ZBTB8A: variants seen among roughly 807,000 people sequenced by gnomAD.
ZBTB8A encodes the protein zinc finger and BTB domain-containing protein 8A.
ZBTB8A carries 19 observed loss-of-function variants against 37.8 expected under a neutral mutation model. That is an observed-to-expected ratio of 0.50 (90% CI 0.35 to 0.74). The LOEUF (loss-of-function observed/expected upper bound fraction) is 0.74, where lower values mean the gene tolerates loss of function less well. Ranked by LOEUF, ZBTB8A falls within the 30% of genes least tolerant of loss-of-function variation. ZBTB8A has a pLI of 0.01. For synonymous variants in ZBTB8A, 181 were observed against 185.2 expected (o/e 0.98, Z 0.19); for missense variants, 394 against 537.8 (o/e 0.73, Z 2.65).
At chr1:32,581,613 A>G (rs545676109) in intron 2 of ZBTB8A, among the ~76,000 whole-genome samples, 49 of 152,058 alleles carry the variant, frequency 3.2e-4, no homozygotes, top group African/African-American at 1.1e-3. Flanking sequence ...CGGCCTCCCA[A>G]AGTGCTAGGA....
At chr1:32,599,697 A>G (rs1228734503) in intron 4 of ZBTB8A, among the ~76,000 whole-genome samples, 2 of 152,128 alleles carry the variant, frequency 1.3e-5, no homozygotes, top group Non-Finnish European at 2.9e-5. Context: ...AGCCTGGGCA[A>G]CAGAGTGAGA....
intron 2 of ZBTB8A, among the ~76,000 whole-genome samples, chr1:32,554,430 C>T (rs1644183525): frequency 6.6e-6 from 1 of 150,860 alleles, no homozygotes; most frequent in South Asian, 2.1e-4. Flanking sequence ...TTTTAACACC[C>T]AGCATACATA....
At chr1:32,554,626 C>T (rs1379268784) in intron 2 of ZBTB8A, among the ~76,000 whole-genome samples, 1 of 151,812 alleles carries the variant, frequency 6.6e-6, no homozygotes, top group Non-Finnish European at 1.5e-5. Context: ...TTACAGGCAC[C>T]TGCCACCAAG....
At chr1:32,575,538 T>C (rs1209962308) in intron 2 of ZBTB8A, among the ~76,000 whole-genome samples, 1 of 151,930 alleles carries the variant, frequency 6.6e-6, no homozygotes, top group Non-Finnish European at 1.5e-5. Context: ...CTTTTGTTCT[T>C]TTGCTTTTCT....
rs909578364 is a variant in ZBTB8A at position 32,602,672 on chromosome 1, T to C, written c.*2253T>C. The C allele has an allele frequency of 3.9e-5, 6 of 152,084 alleles. No individual in the cohort carries two copies. The highest frequency in any genetic ancestry group is 1.4e-4 in the African/African-American group (6 of 41,510). 9.4% of individuals were successfully genotyped at this position (152,084 alleles called of 1,614,324 possible). ...TTCTCGCCATTCTCCTGCCTCAGCC[T>C]CCCGAGTAGCTGGGACTTACAGGCG... On this transcript the variant is annotated 3_prime_UTR_variant, in exon 5 of 5. Transcript: ENST00000373510.
intron 2 of ZBTB8A, among the ~76,000 whole-genome samples, chr1:32,561,360 A>G (rs1490221068): frequency 2.0e-5 from 3 of 152,000 alleles, no homozygotes; most frequent in East Asian, 1.9e-4. Context: ...CTTCTCCCAC[A>G]GTTCTGGAGG....
At chr1:32,587,015 C>T (rs186609959) in intron 2 of ZBTB8A, among the ~76,000 whole-genome samples, 2,582 of 152,028 alleles carry the variant, frequency 0.017, 98 homozygotes, top group African/African-American at 0.058. Context: ...GAGGCCGAGG[C>T]GGGCGGTTGA....
chr1:32,563,507 G>T (rs1334898453), intron 2 of ZBTB8A, among the ~76,000 whole-genome samples: 1 of 151,732 alleles, frequency 6.6e-6, no homozygotes, highest in East Asian at 1.9e-4. Context: ...TTGTCACCCA[G>T]GCTGGAGTGC....
chr1:32,596,444 G>A (rs1644532391), intron 4 of ZBTB8A, among the ~76,000 whole-genome samples: 1 of 151,140 alleles, frequency 6.6e-6, no homozygotes, highest in South Asian at 2.1e-4. Context: ...TAGCTGGCAT[G>A]GTAGCGCACA....
chr1:32,581,290 AT>A (rs1370785990), intron 2 of ZBTB8A, among the ~76,000 whole-genome samples: 3 of 111,170 alleles, frequency 2.7e-5, no homozygotes, highest in South Asian at 2.4e-4. Context: ...ATTAATATAT[AT>A]TTATATATTA....
chr1:32,595,612 C>G (rs1279146700), intron 4 of ZBTB8A, among the ~76,000 whole-genome samples: 3 of 150,362 alleles, frequency 2.0e-5, no homozygotes, highest in Non-Finnish European at 4.4e-5. Flanking sequence ...CTCTATCGCC[C>G]AAGCTGGAGT....
At position 32,601,601 on chromosome 1, in the gene ZBTB8A, C is replaced by T. The variant is rs936957382; in HGVS notation, c.*1182C>T. ...TTCTCAGTGAGGTGGATACTATCTC[C>T]GATTTACAAATGAGGAAATTAAGGT... On this transcript the variant is annotated 3_prime_UTR_variant, in exon 5 of 5. Coordinates refer to ENST00000373510, the MANE Select transcript of ZBTB8A (RefSeq NM_001040441.3). The T allele has an allele frequency of 3.3e-5, 13 of 398,370 alleles. No individual in the cohort carries two copies. Among genetic ancestry groups the T allele is most frequent in the African/African-American group, 1.9e-4 (9 of 48,602 alleles). 24.7% of individuals were successfully genotyped at this position (398,370 alleles called of 1,614,324 possible).
intron 2 of ZBTB8A, among the ~76,000 whole-genome samples, chr1:32,576,852 A>G (rs933853102): frequency 2.0e-5 from 3 of 149,188 alleles, no homozygotes; most frequent in African/African-American, 7.4e-5. Flanking sequence ...GGCGTGAGCC[A>G]CCATGCACAG....
In ZBTB8A at chr1:32,548,963, C is replaced by G. The variant is rs1324011545; in HGVS notation, c.-83-4496C>G. ...ATCCCAGCACTTTGGGAGGCTGAGG[C>G]AGGCCGATCATGAGGTCAGGAGTTT... On this transcript the variant is annotated intron_variant, in intron 1 of 4. Transcript: ENST00000373510. 2.0e-5 allele frequency among the ~76,000 whole-genome samples: 3 copies of G among 152,096 alleles called. No homozygotes were observed. In the East Asian group the frequency reaches 5.8e-4, roughly 29 times the overall value.
At chr1:32,547,124 G>A (rs1166645398) in intron 1 of ZBTB8A, among the ~76,000 whole-genome samples, 1 of 151,618 alleles carries the variant, frequency 6.6e-6, no homozygotes, top group Non-Finnish European at 1.5e-5. Context: ...GGCTGGTCTC[G>A]AACTCCTGGG....
chr1:32,553,909 A>G (rs1479848055), intron 2 of ZBTB8A, among the ~76,000 whole-genome samples: 2 of 118,636 alleles, frequency 1.7e-5, no homozygotes, highest in Admixed American at 8.9e-5. Flanking sequence ...AAAAAAAGGT[A>G]GAATTTTGGG....
At chr1:32,575,241 T>C (rs1644350981) in intron 2 of ZBTB8A, among the ~76,000 whole-genome samples, 1 of 147,682 alleles carries the variant, frequency 6.8e-6, no homozygotes, top group Non-Finnish European at 1.5e-5. Flanking sequence ...TTTTTTTTTT[T>C]TTTTTGAGAC....
At chr1:32,541,755 C>T (rs6695376) in intron 1 of ZBTB8A, among the ~76,000 whole-genome samples, 33,647 of 151,970 alleles carry the variant, frequency 0.22, 4,141 homozygotes, top group East Asian at 0.49. Context: ...AGAGGCTAAA[C>T]TCACTCCCTC....
At chr1:32,547,654 A>T (rs1446506255) in intron 1 of ZBTB8A, among the ~76,000 whole-genome samples, 2 of 150,288 alleles carry the variant, frequency 1.3e-5, no homozygotes, top group African/African-American at 2.4e-5. Flanking sequence ...GAAAGAAAAA[A>T]AGGCAAAAAT....
Sources: gnomAD v4.1 joint callset for allele counts (sites outside exome capture counted in the v4.1 genomes callset) on GRCh38, gnomAD v4.1.1 for gene constraint, MANE v1.5 for transcripts, NCBI Gene and HGNC (gene_info 2026-07-23, HGNC 2026-07-21) for gene names.